The following CAMK2B variants were observed in gnomAD, a reference collection of about 807,000 sequenced individuals.
CAMK2B encodes calcium/calmodulin-dependent protein kinase type II subunit beta.
CAMK2B carries 27 observed loss-of-function variants against 93.7 expected under a neutral mutation model. The observed-to-expected ratio is 0.29, with a 90% CI of 0.21 to 0.40. The LOEUF (loss-of-function observed/expected upper bound fraction) is 0.40. Ranked by LOEUF, CAMK2B falls within the 10% of genes least tolerant of loss-of-function variation. CAMK2B has a pLI of 1.00. For synonymous variants in CAMK2B, 374 were observed against 358.8 expected (o/e 1.04, Z -0.48); for missense variants, 568 against 895.8 (o/e 0.63, Z 4.67).
chr7:44,321,256 T>C (rs949635231), intron 1 of CAMK2B, among the ~76,000 whole-genome samples: 1 of 152,230 alleles, frequency 6.6e-6, no homozygotes, highest in African/African-American at 2.4e-5. Context: ...TTGTTCACAG[T>C]GTGCCTCTCG....
rs557324793 is a variant in CAMK2B, at chr7:44,286,754, G to C, written c.66-2529C>G. Among the ~76,000 whole-genome samples the C allele has an allele frequency of 6.6e-6, 1 of 152,220 alleles. No homozygotes were observed. The highest frequency in any genetic ancestry group is 6.5e-5 in the Admixed American group (1 of 15,292). On this transcript the variant is annotated intron_variant, in intron 1 of 23. Transcript: ENST00000395749. This position sits in a 1 kb window ranked among gnomAD's most constrained non-coding sequence, Gnocchi z 4.0. ...GCCTAGGTCGGAGCAGTCAGCAATC[G>C]GGGAAGGCGGGGGCAGGGAACACAG...
intron 2 of CAMK2B, among the ~76,000 whole-genome samples, chr7:44,278,623 G>A (rs34101229): frequency 0.21 from 32,394 of 152,152 alleles, 4,233 homozygotes; most frequent in Middle Eastern, 0.31. Flanking sequence ...TGAGATGGGT[G>A]GTGAGTGCAG....
At chr7:44,243,584 T>C (rs2128972196) in intron 6 of CAMK2B, 57 bp from the exon 7 acceptor site, 1 of 1,361,454 alleles carries the variant, frequency 7.3e-7, no homozygotes, top group Non-Finnish European at 1.0e-6. Flanking sequence ...AGGTGTTATG[T>C]GGGGTTGGGT....
At chr7:44,245,512 A>T (rs1284781847) in intron 6 of CAMK2B, among the ~76,000 whole-genome samples, 1 of 152,148 alleles carries the variant, frequency 6.6e-6, no homozygotes, top group African/African-American at 2.4e-5. Flanking sequence ...AGTTAACCAG[A>T]TAAATCATGG....
chr7:44,317,862 G>T (rs1795189857), intron 1 of CAMK2B, among the ~76,000 whole-genome samples: 1 of 152,074 alleles, frequency 6.6e-6, no homozygotes, highest in African/African-American at 2.4e-5. Context: ...AAGGAGTGTG[G>T]GCTTAGGCGA....
chr7:44,222,251 T>C (rs1178932314), intron 20 of CAMK2B, among the ~76,000 whole-genome samples: 1 of 152,200 alleles, frequency 6.6e-6, no homozygotes, highest in Non-Finnish European at 1.5e-5. Flanking sequence ...AGCACTGCGC[T>C]CTGTGACCCT....
At chr7:44,282,983 C>G (rs1025824316) in intron 2 of CAMK2B, among the ~76,000 whole-genome samples, 1 of 152,238 alleles carries the variant, frequency 6.6e-6, no homozygotes, top group Non-Finnish European at 1.5e-5. Context: ...CTTCGCTTGG[C>G]TCCCTCTACC....
intron 2 of CAMK2B, among the ~76,000 whole-genome samples, chr7:44,263,604 C>A (rs2096899360): frequency 6.6e-6 from 1 of 152,054 alleles, no homozygotes; most frequent in African/African-American, 2.4e-5. Flanking sequence ...TCTCCTCCCA[C>A]CCCACAAGGT....
rs373253148 is a variant in CAMK2B at position 44,246,308 on chromosome 7, C to T, written c.414+812G>A. On this transcript the variant is annotated intron_variant, in intron 6 of 23. Transcript: ENST00000395749. The stretch of plus-strand genomic sequence containing the variant: ...TTTCTCTATTGCCCAGGCTGGAGTG[C>T]GGTGTAATAGGCTGATTTCTGAAGA... Among the ~76,000 whole-genome samples the T allele has an allele frequency of 5.9e-5, 9 of 152,168 alleles. No homozygotes were observed. The South Asian group carries it at 1.7e-3, about 28-fold the overall frequency.
chr7:44,223,873 A>G (rs1292653925), intron 20 of CAMK2B, among the ~76,000 whole-genome samples: 1 of 152,188 alleles, frequency 6.6e-6, no homozygotes, highest in Non-Finnish European at 1.5e-5. Context: ...TCTAATGTAC[A>G]GAGACAGCTG....
intron 1 of CAMK2B, among the ~76,000 whole-genome samples, chr7:44,290,182 G>A (rs989838232): frequency 5.3e-5 from 8 of 152,252 alleles, no homozygotes; most frequent in Non-Finnish European, 1.0e-4. Context: ...CGCAATTCCA[G>A]GAAGTTCTTA....
intron 3 of CAMK2B, among the ~76,000 whole-genome samples, chr7:44,260,653 G>A (rs2096872254): frequency 6.6e-6 from 1 of 152,152 alleles, no homozygotes; most frequent in Admixed American, 6.5e-5. Context: ...GTGAGCACTA[G>A]GTAAACCACA....
intron 13 of CAMK2B, among the ~76,000 whole-genome samples, 199 bp downstream of exon 13, chr7:44,239,390 G>A (rs1208164567): frequency 2.6e-5 from 4 of 152,198 alleles, no homozygotes; most frequent in Non-Finnish European, 4.4e-5. Flanking sequence ...TCTTACAGGC[G>A]AGGAGCCTTG....
At position 44,258,861 on chromosome 7, in the gene CAMK2B, C is replaced by G. The variant is rs761008235; in HGVS notation, c.275+11G>C. On this transcript the variant is annotated intron_variant, in intron 4 of 23. Transcript: ENST00000395749. ...GTGAGTGCAGCGAGAGTCCCCAGCT[C>G]TGGAACTTACAGATCGAAGACCAGG... The G allele has an allele frequency of 3.5e-5, 56 of 1,613,208 alleles. No individual in the cohort carries two copies. Among genetic ancestry groups the G allele is most frequent in the Non-Finnish European group, 4.6e-5 (54 of 1,179,462 alleles).
chr7:44,226,919 G>A (rs529151688), intron 19 of CAMK2B, among the ~76,000 whole-genome samples: 1 of 36,184 alleles, frequency 2.8e-5, no homozygotes, highest in East Asian at 6.0e-4. Flanking sequence ...TGGAGGAGAC[G>A]TGGGAGACAG....
In CAMK2B at chr7:44,239,641, C is replaced by G. The variant is rs748787629; in HGVS notation, c.969G>C (p.Pro323=). The G allele has an allele frequency of 2.1e-6, 3 of 1,396,482 alleles. No homozygotes were observed. Among genetic ancestry groups the G allele is most frequent in the Non-Finnish European group, 2.9e-6 (3 of 1,052,124 alleles). 86.5% of individuals were successfully genotyped at this position (1,396,482 alleles called of 1,614,324 possible). ...NFSVGRQTTA[P]ATMSTAASGT... is the part of the protein sequence containing the mutation. ...CGGAGGCCGCGGTGGACATTGTGGCCGGAGCGGTGGTCTGTCTGCCCACTG... is the reference window on the plus strand; with the variant it reads ...CGGAGGCCGCGGTGGACATTGTGGCGGGAGCGGTGGTCTGTCTGCCCACTG... The change falls in exon 13 of 24, where the codon CCG becomes CCC. Residue 323 remains proline, a synonymous_variant. Transcript: ENST00000395749.
intron 5 of CAMK2B, among the ~76,000 whole-genome samples, chr7:44,250,455 T>C (rs1457983537): frequency 6.6e-6 from 1 of 152,178 alleles, no homozygotes; most frequent in Admixed American, 6.5e-5. Flanking sequence ...GCCTGGGCTC[T>C]GATGTCCTCC....
intron 2 of CAMK2B, among the ~76,000 whole-genome samples, chr7:44,277,320 A>T (rs1001481353): frequency 1.3e-5 from 2 of 152,158 alleles, no homozygotes; most frequent in Non-Finnish European, 2.9e-5. Context: ...ACATTCACCA[A>T]CTTTGAATGT....
chr7:44,220,549 T>C (rs1453049380), intron 22 of CAMK2B, 67 bp downstream of exon 22: 7 of 1,379,024 alleles, frequency 5.1e-6, no homozygotes, highest in Non-Finnish European at 7.0e-6. Flanking sequence ...ATGCTGTCCC[T>C]GGGAGGGGCC....
Sources: allele counts gnomAD v4.1 joint callset (sites outside exome capture counted in the v4.1 genomes callset), GRCh38; gene constraint gnomAD v4.1.1; non-coding constraint Gnocchi (gnomAD v3.1); transcripts MANE v1.5; gene names NCBI Gene and HGNC (gene_info 2026-07-23, HGNC 2026-07-21).